C2CD5: variants seen among roughly 807,000 people sequenced by gnomAD.
C2CD5 encodes the protein C2 calcium dependent domain containing 5.
In C2CD5, 109 loss-of-function variants were observed where a neutral mutation model predicts 130.3. The observed-to-expected ratio is 0.84, with a 90% CI of 0.72 to 0.98. The LOEUF is 0.98. Ranked by LOEUF, C2CD5 falls within the 50% of genes least tolerant of loss-of-function variation. The pLI, the probability that C2CD5 is intolerant of heterozygous loss-of-function variation, is 0.00. For missense variants in C2CD5, 996 were observed against 1,261.8 expected (o/e 0.79, Z 3.19); for synonymous variants, 454 against 429.2 (o/e 1.06, Z -0.71).
intron 9 of C2CD5, among the ~76,000 whole-genome samples, chr12:22,508,821 T>G (rs1948863119): frequency 6.6e-6 from 1 of 152,114 alleles, no homozygotes; most frequent in Non-Finnish European, 1.5e-5. Flanking sequence ...AGGCATGTGG[T>G]GGTCTCACAG....
chr12:22,490,612 A>T (rs1169610121), intron 11 of C2CD5, among the ~76,000 whole-genome samples: 2 of 152,156 alleles, frequency 1.3e-5, no homozygotes, highest in Non-Finnish European at 2.9e-5. Flanking sequence ...TTTTATTAAA[A>T]TTATTCTAAA....
intron 11 of C2CD5, 123 bp downstream of exon 11, chr12:22,493,100 C>T (rs1178664550): frequency 2.2e-5 from 12 of 542,094 alleles, no homozygotes; most frequent in Non-Finnish European, 3.6e-5. Context: ...ATCTAATGTA[C>T]TCCAAGGCCC....
At chr12:22,533,913 T>C (rs1951558395) in intron 3 of C2CD5, among the ~76,000 whole-genome samples, 2 of 152,200 alleles carry the variant, frequency 1.3e-5, no homozygotes, top group Non-Finnish European at 2.9e-5. Flanking sequence ...GGGCCACGTG[T>C]GGTGGCTAAC....
At position 22,494,268 on chromosome 12, in the gene C2CD5, G is replaced by GA. The variant is rs941612047; in HGVS notation, c.1148-932dup. On this transcript the variant is annotated intron_variant, in intron 10 of 26. Coordinates refer to ENST00000446597, the MANE Select transcript of C2CD5 (RefSeq NM_001286176.2). Reference sequence around the variant, plus strand: ...TCTCATTTGGGAATAACTTGAGATAGAAAAAAAAATCAACTCTAGATAGAA... The same window carrying GA: ...TCTCATTTGGGAATAACTTGAGATAGAAAAAAAAAATCAACTCTAGATAGAA... Among the ~76,000 whole-genome samples, 485 of 149,668 alleles carry GA rather than the reference G, an allele frequency of 3.2e-3. 3 individuals carry two copies. The highest frequency in any genetic ancestry group is 0.011 in the African/African-American group (430 of 40,868).
At chr12:22,515,767 A>G (rs1414116333) in intron 8 of C2CD5, among the ~76,000 whole-genome samples, 1 of 152,016 alleles carries the variant, frequency 6.6e-6, no homozygotes, top group African/African-American at 2.4e-5. Context: ...CTCTGATCAT[A>G]GTATTATTTG....
At chr12:22,472,439 C>A in intron 17 of C2CD5, 92 bp from the exon 18 acceptor site, 1 of 698,662 alleles carries the variant, frequency 1.4e-6, no homozygotes, top group Non-Finnish European at 2.4e-6. Flanking sequence ...GAAGTTCTAA[C>A]TATAACACCC....
chr12:22,535,382 A>G (rs1951723711), intron 2 of C2CD5, 38 bp from the exon 3 acceptor site: 3 of 1,086,558 alleles, frequency 2.8e-6, no homozygotes, highest in Non-Finnish European at 4.2e-6. Context: ...TATGAATATC[A>G]AAAATGTGAA....
At chr12:22,471,306 GTTTA>G (rs1446941145) in intron 20 of C2CD5, 89 bp downstream of exon 20, 2 of 735,850 alleles carry the variant, frequency 2.7e-6, no homozygotes, top group East Asian at 5.3e-5. Context: ...ACTAGTATAT[GTTTA>G]TTTAATTACG....
At chr12:22,465,854 A>T (rs16924967) in intron 22 of C2CD5, among the ~76,000 whole-genome samples, 3,977 of 152,188 alleles carry the variant, frequency 0.026, 163 homozygotes, top group African/African-American at 0.083. Context: ...ATCTATCCTT[A>T]AATAAATTAT....
intron 16 of C2CD5, 24 bp from the exon 17 acceptor site, chr12:22,472,831 T>C (rs778742990): frequency 6.4e-6 from 8 of 1,259,450 alleles, no homozygotes; most frequent in Admixed American, 1.7e-5. Flanking sequence ...TTAAAACTAT[T>C]TTATAAGTAG....
In C2CD5 at chr12:22,472,432, G is replaced by C. The variant is rs1943188638; in HGVS notation, c.2108-85C>G. 3 of 753,586 alleles carry C rather than the reference G, an allele frequency of 4.0e-6. No individual in the cohort carries two copies. The African/African-American group carries it at 5.4e-5, about 14-fold the overall frequency. The allele number at this position is 753,586 out of a possible 1,614,324, so 46.7% of individuals were successfully genotyped here. A position where few individuals can be genotyped will look rare whatever the true frequency, so the allele number is the denominator to read the frequency against. ...TGACATTTTTCAATTATTATATGAA[G>C]TTCTAACTATAACACCCTTCATTTT... On this transcript the variant is annotated intron_variant, in intron 17 of 26. Coordinates refer to ENST00000446597, the MANE Select transcript of C2CD5 (RefSeq NM_001286176.2).
At chr12:22,526,050 G>A (rs904046521) in intron 4 of C2CD5, among the ~76,000 whole-genome samples, 13 of 152,200 alleles carry the variant, frequency 8.5e-5, no homozygotes, top group Non-Finnish European at 1.8e-4. Context: ...CTTGGGATGA[G>A]TTTATCTGGA....
At chr12:22,543,979 T>C (rs1451403484) in intron 2 of C2CD5, 82 bp downstream of exon 2, 20 of 1,070,998 alleles carry the variant, frequency 1.9e-5, no homozygotes, top group Non-Finnish European at 2.4e-5. Context: ...GGGAATAGGC[T>C]GAGGGGCTGG....
At chr12:22,525,036 T>G (rs1433238569) in intron 5 of C2CD5, among the ~76,000 whole-genome samples, 1 of 152,206 alleles carries the variant, frequency 6.6e-6, no homozygotes, top group African/African-American at 2.4e-5. Context: ...TAAAAGTACT[T>G]CTGTACACCA....
chr12:22,522,660 A>T (rs1950372304), intron 7 of C2CD5, among the ~76,000 whole-genome samples: 1 of 152,172 alleles, frequency 6.6e-6, no homozygotes, highest in South Asian at 2.1e-4. Flanking sequence ...CTATTTAATT[A>T]CACTCAGTTA....
chr12:22,519,093 T>C (rs552071240), intron 7 of C2CD5: 11 of 1,530,204 alleles, frequency 7.2e-6, no homozygotes, highest in Non-Finnish European at 9.6e-6. Flanking sequence ...TCCCCAGCTC[T>C]GGAGTCTGAG....
In C2CD5 at chr12:22,506,229, G is replaced by A. The variant is rs141320416; in HGVS notation, c.1147+482C>T. On this transcript the variant is annotated intron_variant, in intron 10 of 26. Transcript: ENST00000446597. ...GTTGTTGCCCAAGTCTGGCTATGTTGCCCTGGGCTCAAGCGATCCTCCTTG... is the reference window on the plus strand; with the variant it reads ...GTTGTTGCCCAAGTCTGGCTATGTTACCCTGGGCTCAAGCGATCCTCCTTG... 1.7e-4 allele frequency among the ~76,000 whole-genome samples: 26 copies of A among 152,228 alleles called. No individual in the cohort carries two copies. In the East Asian group the frequency reaches 4.6e-3, roughly 27 times the overall value.
intron 10 of C2CD5, among the ~76,000 whole-genome samples, chr12:22,505,450 C>T (rs879933400): frequency 6.6e-6 from 1 of 151,838 alleles, no homozygotes; most frequent in Non-Finnish European, 1.5e-5. Context: ...ATTTTACAGG[C>T]ATGAGCCACT....
intron 15 of C2CD5, among the ~76,000 whole-genome samples, chr12:22,477,568 T>C (rs941721663): frequency 6.6e-6 from 1 of 152,174 alleles, no homozygotes; most frequent in South Asian, 2.1e-4. Context: ...ATGTGCAGGT[T>C]TGTTACATAT....
Sources: gnomAD v4.1 joint callset for allele counts (sites outside exome capture counted in the v4.1 genomes callset) on GRCh38, gnomAD v4.1.1 for gene constraint, MANE v1.5 for transcripts, NCBI Gene and HGNC (gene_info 2026-07-23, HGNC 2026-07-21) for gene names.